Variants in GPHN observed in about 807,000 individuals in gnomAD.
GPHN encodes the protein gephyrin.
In GPHN, 17 loss-of-function variants were observed where a neutral mutation model predicts 95.5. That is an observed-to-expected ratio of 0.18 (90% confidence interval 0.12 to 0.27). The LOEUF (loss-of-function observed/expected upper bound fraction) is 0.27. GPHN is among the 10% of genes least tolerant of loss of function. The pLI, the probability that GPHN is intolerant of heterozygous loss-of-function variation, is 1.00. For synonymous variants in GPHN, 320 were observed against 322.5 expected, an observed-to-expected ratio of 0.99 and a Z score of 0.08; for missense variants, 660 against 978.1, an observed-to-expected ratio of 0.67 and a Z score of 4.34.
intron 4 of GPHN, among the ~76,000 whole-genome samples, chr14:66,870,922 A>G (rs1319420817): frequency 6.6e-6 from 1 of 152,220 alleles, no homozygotes; most frequent in Admixed American, 6.5e-5. Flanking sequence ...TTCTGATTTC[A>G]TACCACAGAA....
chr14:66,682,219 T>A (rs537248459), intron 2 of GPHN, among the ~76,000 whole-genome samples: 1 of 152,328 alleles, frequency 6.6e-6, no homozygotes, highest in African/African-American at 2.4e-5. Flanking sequence ...TCTCCATCTT[T>A]CTTTTTCTAA....
the GPHN span, among the ~76,000 whole-genome samples, chr14:67,298,288 C>T: frequency 2.6e-5 from 4 of 151,702 alleles, no homozygotes; most frequent in Non-Finnish European, 5.9e-5. Context: ...TACTAGGGGC[C>T]GGACCACCTG....
At chr14:67,545,097 T>C in the GPHN span, among the ~76,000 whole-genome samples, 1 of 152,244 alleles carries the variant, frequency 6.6e-6, no homozygotes, top group African/African-American at 2.4e-5. Flanking sequence ...CTTTCTCATG[T>C]AACCTTCCAG....
chr14:67,272,400 G>A, the GPHN span, among the ~76,000 whole-genome samples: 9 of 151,948 alleles, frequency 5.9e-5, no homozygotes, highest in East Asian at 3.9e-4. Context: ...TTTCATCTAC[G>A]AAATGGGCAT....
At chr14:67,318,248 C>G in the GPHN span, among the ~76,000 whole-genome samples, 1 of 152,106 alleles carries the variant, frequency 6.6e-6, no homozygotes, top group African/African-American at 2.4e-5. Flanking sequence ...ACACATTAAA[C>G]TAATAAAGAT....
At chr14:67,399,648 C>G in the GPHN span, among the ~76,000 whole-genome samples, 8 of 144,442 alleles carry the variant, frequency 5.5e-5, no homozygotes, top group East Asian at 2.3e-4. Flanking sequence ...TTAGGTGGTT[C>G]TCAGGTGGCA....
chr14:67,577,918 A>C, the GPHN span: 1 of 995,676 alleles, frequency 1.0e-6, no homozygotes, highest in East Asian at 2.4e-5. Flanking sequence ...AAGGGCTGTC[A>C]GTAAACTCTA....
chr14:67,199,071 A>C, the GPHN span: 9 of 882,142 alleles, frequency 1.0e-5, no homozygotes, highest in Non-Finnish European at 1.7e-5. Context: ...CATGGCTACC[A>C]GGCCGATCTC....
chr14:66,684,668 G>A (rs1385393883), intron 2 of GPHN, among the ~76,000 whole-genome samples: 1 of 152,126 alleles, frequency 6.6e-6, no homozygotes, highest in Non-Finnish European at 1.5e-5. Context: ...GAACATGGCA[G>A]AGAGATGCCA....
intron 5 of GPHN, among the ~76,000 whole-genome samples, chr14:66,887,127 G>T (rs978779966): frequency 6.6e-6 from 1 of 152,068 alleles, no homozygotes; most frequent in Non-Finnish European, 1.5e-5. Flanking sequence ...GCCCTAACCC[G>T]AGGAGAAACT....
the GPHN span, among the ~76,000 whole-genome samples, chr14:67,699,260 A>G: frequency 6.6e-6 from 1 of 151,930 alleles, no homozygotes; most frequent in African/African-American, 2.4e-5. Flanking sequence ...TCTCAGAAAA[A>G]AAAAAAAGAT....
At chr14:67,528,063 G>A in the GPHN span, among the ~76,000 whole-genome samples, 9 of 152,176 alleles carry the variant, frequency 5.9e-5, no homozygotes, top group Non-Finnish European at 1.2e-4. Context: ...AGGACCTCTC[G>A]TAGTTCAGCT....
chr14:66,983,014 G>A (rs934439824), intron 9 of GPHN, among the ~76,000 whole-genome samples: 7 of 152,162 alleles, frequency 4.6e-5, no homozygotes, highest in Admixed American at 3.3e-4. Context: ...ACTTTTGGGA[G>A]GCCGAGGCAG....
the GPHN span, among the ~76,000 whole-genome samples, chr14:67,610,552 G>T: frequency 2.0e-5 from 3 of 152,020 alleles, no homozygotes; most frequent in Non-Finnish European, 4.4e-5. Flanking sequence ...ATGTAATGGG[G>T]GTCTCAAGAT....
chr14:66,586,550 G>T (rs190541920), intron 1 of GPHN, among the ~76,000 whole-genome samples: 68 of 152,284 alleles, frequency 4.5e-4, no homozygotes, highest in Non-Finnish European at 6.3e-4. Context: ...CATATTTAGT[G>T]CTTCCTTCAG....
Position 67,026,835 on chromosome 14 carries a change from G to C in GPHN, c.1006+3160G>C, listed in dbSNP as rs1217870547. ...TTTTTTGTATTTTTAGTAGAGATGG[G>C]GTTTCACCGTGTTAGCCAGGATGGT... On this transcript the variant is annotated intron_variant, in intron 10 of 22. Coordinates refer to ENST00000478722, the MANE Select transcript of GPHN (RefSeq NM_020806.5). Among the ~76,000 whole-genome samples, 3 of 152,092 alleles carry C rather than the reference G, an allele frequency of 2.0e-5. No homozygotes were observed. In the East Asian group the frequency reaches 5.8e-4, roughly 29 times the overall value.
At chr14:67,159,877 T>G (rs7151898) in intron 19 of GPHN, among the ~76,000 whole-genome samples, 50,297 of 151,926 alleles carry the variant, frequency 0.33, 13,387 homozygotes, top group African/African-American at 0.72. Flanking sequence ...GCCTTTTAGT[T>G]GGGAGGGAGG....
chr14:67,179,354 C>G (rs2083199397), intron 21 of GPHN, among the ~76,000 whole-genome samples: 1 of 152,060 alleles, frequency 6.6e-6, no homozygotes, highest in Non-Finnish European at 1.5e-5. Context: ...CCACTGCACT[C>G]CAGCCTGGGT....
intron 2 of GPHN, among the ~76,000 whole-genome samples, chr14:66,698,633 C>T (rs1289329292): frequency 6.6e-6 from 1 of 152,082 alleles, no homozygotes; most frequent in Non-Finnish European, 1.5e-5. Context: ...TACTCATTCA[C>T]CTATGTATTA....
Sources: allele counts gnomAD v4.1 joint callset (sites outside exome capture counted in the v4.1 genomes callset), GRCh38; gene constraint gnomAD v4.1.1; transcripts MANE v1.5; gene names NCBI Gene and HGNC (gene_info 2026-07-23, HGNC 2026-07-21).